Variants in WDR88 observed in about 807,000 individuals in gnomAD.
The protein encoded by WDR88 is WD repeat-containing protein 88.
A neutral mutation model predicts 46.8 loss-of-function variants in WDR88; 40 were observed. The ratio of observed to expected loss-of-function variants is 0.86; its 90% CI spans 0.66 to 1.11. WDR88 has a LOEUF of 1.11. Among genes scored for constraint, WDR88 ranks in the 50% most tolerant of loss-of-function variants. The probability of loss-of-function intolerance (pLI) is 0.00; values close to 1 mark genes in which losing one functional copy is unlikely to be tolerated. For missense variants in WDR88, 562 were observed against 602.4 expected (o/e 0.93, Z 0.70); for synonymous variants, 235 against 240.7 (o/e 0.98, Z 0.22).
At chr19:33,174,395 C>T (rs1974091082) in intron 10 of WDR88, 1 of 1,401,946 alleles carries the variant, frequency 7.1e-7, no homozygotes, top group East Asian at 2.6e-5. Context: ...GCGCGGCCAC[C>T]TTGCAGGCTC....
chr19:33,137,798 G>A lies in WDR88; in HGVS notation c.387+11G>A, dbSNP rs77116429. 8.9e-4 allele frequency: 1,437 copies of A among 1,610,112 alleles called. 13 individuals carry two copies. In the African/African-American group the frequency reaches 0.017, roughly 19 times the overall value. On this transcript the variant is annotated intron_variant, in intron 2 of 10. Transcript: ENST00000355868. The stretch of plus-strand genomic sequence containing the variant: ...ACTGTGAAGCTGTGGGTAGGTGGCC[G>A]GCTGTTAGGTACTCCTGGAGCGAAA...
In WDR88 at chr19:33,137,743, A is replaced by C; in HGVS notation, c.343A>C (p.Thr115Pro). 6.2e-7 allele frequency: 1 copy of C among 1,613,882 alleles called. No homozygotes were observed. The highest frequency in any genetic ancestry group is 8.5e-7 in the Non-Finnish European group (1 of 1,180,030). The change falls in exon 2 of 11, where the codon ACA becomes CCA. Residue 115 changes from threonine to proline, a missense_variant. Thr to Pro is a conservative substitution (Grantham distance 38). Transcript: ENST00000355868. The stretch of plus-strand genomic sequence containing the variant: ...CACCTGCCACTTCTGTGTGGATGAC[A>C]CAAAGCTCCTCAGTGGCTCCTATGA... ...VSTCHFCVDD[T>P]KLLSGSYDCT...
chr19:33,164,438 C>T (rs1279729220), intron 9 of WDR88, among the ~76,000 whole-genome samples, 173 bp downstream of exon 9: 6 of 152,226 alleles, frequency 3.9e-5, no homozygotes, highest in African/African-American at 7.2e-5. Context: ...TATGCGCAAA[C>T]GCGATGAGTT....
chr19:33,151,256 G>T lies in WDR88; in HGVS notation c.755G>T (p.Arg252Met). The T allele has an allele frequency of 6.2e-7, 1 of 1,613,684 alleles. No homozygotes were observed. Among genetic ancestry groups the T allele is most frequent in the Non-Finnish European group, 8.5e-7 (1 of 1,179,872 alleles). The change falls in exon 6 of 11, where the codon AGG becomes ATG. Residue 252 changes from arginine (R) to methionine (M), a missense_variant. Transcript: ENST00000355868. Reference protein sequence around the residue: ...SQRVASVSLDRCIKIWDVTSQ... With the variant: ...SQRVASVSLDMCIKIWDVTSQ... ...AGGGTGGCTTCTGTCTCATTGGACA[G>T]GTGCATCAAGATCTGGGATGTTACA...
chr19:33,145,845 T>TTA (rs1374910449), intron 3 of WDR88, among the ~76,000 whole-genome samples: 1 of 152,188 alleles, frequency 6.6e-6, no homozygotes, highest in African/African-American at 2.4e-5. Context: ...GGAATTTATC[T>TTA]TATATAGAGG....
At chr19:33,151,639 G>C (rs1430884608) in intron 6 of WDR88, among the ~76,000 whole-genome samples, 1 of 152,146 alleles carries the variant, frequency 6.6e-6, no homozygotes, top group African/African-American at 2.4e-5. Context: ...CAGAGCTTTG[G>C]GAGGCCAAAG....
At chr19:33,164,011 C>T (rs1486205392) in intron 8 of WDR88, among the ~76,000 whole-genome samples, 186 bp from the exon 9 acceptor site, 2 of 151,898 alleles carry the variant, frequency 1.3e-5, no homozygotes, top group African/African-American at 2.4e-5. Context: ...ACTCTGTTGC[C>T]CAGGCTGAAG....
At chr19:33,140,227 T>C (rs1469092147) in intron 2 of WDR88, among the ~76,000 whole-genome samples, 1 of 152,198 alleles carries the variant, frequency 6.6e-6, no homozygotes, top group Non-Finnish European at 1.5e-5. Flanking sequence ...CAATTACGGC[T>C]CACTGCAGCC....
intron 9 of WDR88, among the ~76,000 whole-genome samples, chr19:33,164,833 G>A (rs1482399735): frequency 6.6e-6 from 1 of 151,960 alleles, no homozygotes; most frequent in Non-Finnish European, 1.5e-5. Context: ...ATGGTTTTGG[G>A]ATGGTGCAAG....
chr19:33,135,836 TA>T (rs1255681071), intron 1 of WDR88, among the ~76,000 whole-genome samples: 3 of 152,232 alleles, frequency 2.0e-5, no homozygotes, highest in Admixed American at 1.3e-4. Flanking sequence ...ATAGCCATCC[TA>T]ACAAATATGA....
intron 1 of WDR88, among the ~76,000 whole-genome samples, chr19:33,135,056 T>C (rs963735895): frequency 3.6e-4 from 7 of 19,632 alleles, no homozygotes; most frequent in Non-Finnish European, 1.7e-3. Flanking sequence ...GGTGGGTGGG[T>C]GGGGGGGGTG....
intron 9 of WDR88, among the ~76,000 whole-genome samples, chr19:33,171,070 C>T (rs1016817199): frequency 6.6e-6 from 1 of 152,134 alleles, no homozygotes; most frequent in African/African-American, 2.4e-5. Flanking sequence ...ATTGCAAACT[C>T]TGCCTCCCAA....
intron 9 of WDR88, among the ~76,000 whole-genome samples, chr19:33,167,895 C>T (rs1251927020): frequency 6.6e-6 from 1 of 151,830 alleles, no homozygotes; most frequent in African/African-American, 2.4e-5. Context: ...AAGCAATTCT[C>T]CCGGTAGAAA....
intron 8 of WDR88, 29 bp from the exon 9 acceptor site, chr19:33,164,167 CG>C (rs1568370169): frequency 1.9e-6 from 3 of 1,598,540 alleles, no homozygotes; most frequent in South Asian, 2.2e-5. Context: ...ATTTTCTCCA[CG>C]TTTTCATTAA....
intron 9 of WDR88, among the ~76,000 whole-genome samples, chr19:33,164,467 C>G (rs1410300655): frequency 1.3e-5 from 2 of 152,246 alleles, no homozygotes; most frequent in Admixed American, 6.5e-5. Context: ...CCAGGTATTT[C>G]TGTGTCTGTA....
chr19:33,155,081 G>T (rs1973708878), intron 6 of WDR88, among the ~76,000 whole-genome samples: 1 of 152,182 alleles, frequency 6.6e-6, no homozygotes, highest in Non-Finnish European at 1.5e-5. Flanking sequence ...GCAAAATACA[G>T]ACAGGCTTTT....
At chr19:33,171,261 C>T (rs975959649) in intron 9 of WDR88, among the ~76,000 whole-genome samples, 6 of 152,332 alleles carry the variant, frequency 3.9e-5, no homozygotes, top group Non-Finnish European at 8.8e-5. Context: ...GCTGGGATTA[C>T]TGGTGTGAGC....
intron 3 of WDR88, 62 bp from the exon 4 acceptor site, chr19:33,147,583 A>G: frequency 6.4e-7 from 1 of 1,554,718 alleles, no homozygotes; most frequent in Middle Eastern, 1.7e-4. Flanking sequence ...AGCTGGGGCA[A>G]CAGAAAGACA....
chr19:33,149,906 C>T (rs911943765), intron 5 of WDR88, among the ~76,000 whole-genome samples: 7 of 151,954 alleles, frequency 4.6e-5, no homozygotes, highest in African/African-American at 1.2e-4. Flanking sequence ...GTGATCTGCC[C>T]GCCTTGGTCT....
Sources: gnomAD v4.1 joint callset for allele counts (sites outside exome capture counted in the v4.1 genomes callset) on GRCh38, gnomAD v4.1.1 for gene constraint, MANE v1.5 for transcripts, NCBI Gene and HGNC (gene_info 2026-07-23, HGNC 2026-07-21) for gene names.